RADX: variants seen among roughly 807,000 people sequenced by gnomAD.
RADX encodes the protein RPA-related protein RADX.
In RADX, 36 loss-of-function variants were observed where a neutral mutation model predicts 61.6. The ratio of observed to expected loss-of-function variants is 0.58; its 90% CI spans 0.45 to 0.77. The LOEUF (loss-of-function observed/expected upper bound fraction) is 0.77. Ranked by LOEUF, RADX falls within the 30% of genes least tolerant of loss-of-function variation. The pLI, the probability that RADX is intolerant of heterozygous loss-of-function variation, is 0.00. For missense variants in RADX, 497 were observed against 651.1 expected, an observed-to-expected ratio of 0.76 and a Z score of 2.58; for synonymous variants, 272 against 237.9, an observed-to-expected ratio of 1.14 and a Z score of -1.32.
intron 3 of RADX, among the ~76,000 whole-genome samples, chrX:106,626,566 C>T (rs1361638656): frequency 1.8e-5 from 2 of 111,731 alleles, no homozygotes; most frequent in African/African-American, 3.2e-5. Context: ...GCTACCTCTG[C>T]TATATAGAAT....
intron 1 of RADX, among the ~76,000 whole-genome samples, chrX:106,617,517 A>G (rs1926841733): frequency 8.9e-6 from 1 of 111,757 alleles, no homozygotes; most frequent in Non-Finnish European, 1.9e-5. Context: ...ATTTCTCCTT[A>G]TATTTCTAAA....
chrX:106,625,813 T>C (rs766895230), intron 3 of RADX, among the ~76,000 whole-genome samples: 1 of 111,095 alleles, frequency 9.0e-6, no homozygotes, highest in South Asian at 3.8e-4. Flanking sequence ...CATATGTATG[T>C]ATATATATTC....
Position 106,625,131 on chromosome X carries a change from G to C in RADX, c.828G>C (p.Val276=). Residue 276 remains valine, a synonymous_variant, in exon 3 of 14, where the codon GTG becomes GTC. Transcript: ENST00000372548. ...CTGACAGTTCAGGCACAGTGTCAGT[G>C]ATTATGTGGAATGCCCTGTGTCCTG... The part of the protein sequence containing the change: ...EVADSSGTVS[V]IMWNALCPEW... The C allele has an allele frequency of 8.3e-7, 1 of 1,199,393 alleles. No homozygotes were observed. Among genetic ancestry groups the C allele is most frequent in the Admixed American group, 2.3e-5 (1 of 44,001 alleles).
Position 106,678,182 on chromosome X carries a change from T to A in RADX, c.2492T>A (p.Leu831Ter). 1 of 1,153,946 alleles carries A rather than the reference T, an allele frequency of 8.7e-7. No individual in the cohort carries two copies. The highest frequency in any genetic ancestry group is 1.2e-6 in the Non-Finnish European group (1 of 843,052). Residue 831 changes from leucine (L) to a stop codon, truncating the protein, a stop_gained, in exon 14 of 14, where the codon TTG becomes TAG. Coordinates refer to ENST00000372548, the MANE Select transcript of RADX (RefSeq NM_018015.6). LOFTEE classifies it high-confidence loss of function. ...ELDRVHIVGI[L>*]DICNLGNNKV... ...GATAGAGTGCATATCGTCGGTATCT[T>A]GGATATCTGTAATTTGGGTAATAAT...
At chrX:106,652,242 G>A (rs1310027977) in intron 11 of RADX, among the ~76,000 whole-genome samples, 1 of 111,121 alleles carries the variant, frequency 9.0e-6, no homozygotes. Flanking sequence ...GAGCCCAGGA[G>A]TTTGAGACTG....
At chrX:106,643,468 A>C (rs1470056489) in intron 10 of RADX, among the ~76,000 whole-genome samples, 1 of 111,349 alleles carries the variant, frequency 9.0e-6, no homozygotes, top group African/African-American at 3.3e-5. Flanking sequence ...TCAATGTGTT[A>C]GATTTAGGTC....
chrX:106,636,418 T>C (rs1047843142), intron 6 of RADX, 125 bp from the exon 7 acceptor site: 3 of 445,979 alleles, frequency 6.7e-6, no homozygotes, highest in Non-Finnish European at 1.2e-5. Context: ...TGAATTTGCA[T>C]TTTAACATTG....
intron 10 of RADX, among the ~76,000 whole-genome samples, chrX:106,644,488 T>G (rs1927608599): frequency 9.0e-6 from 1 of 111,563 alleles, no homozygotes; most frequent in African/African-American, 3.2e-5. Context: ...GAAGGGATAT[T>G]GAATTTTATC....
At chrX:106,638,035 T>C (rs1927402989) in intron 8 of RADX, 111 bp downstream of exon 8, 5 of 587,335 alleles carry the variant, frequency 8.5e-6, no homozygotes, top group Non-Finnish European at 1.4e-5. Flanking sequence ...TGATCTAAAG[T>C]TTAGCAACAT....
At chrX:106,661,921 C>G in intron 11 of RADX, 94 bp from the exon 12 acceptor site, 3 of 739,515 alleles carry the variant, frequency 4.1e-6, no homozygotes, top group Non-Finnish European at 5.8e-6. Context: ...TACTTAAACT[C>G]TTCCTCATTA....
chrX:106,636,433 C>T (rs1927360483), intron 6 of RADX, 110 bp from the exon 7 acceptor site: 4 of 477,504 alleles, frequency 8.4e-6, no homozygotes, highest in South Asian at 3.7e-5. Context: ...ACATTGGTAC[C>T]ATGTGATTTC....
intron 12 of RADX, among the ~76,000 whole-genome samples, chrX:106,662,712 CAAA>C (rs764434761): frequency 1.8e-5 from 1 of 54,293 alleles, no homozygotes; most frequent in Non-Finnish European, 3.7e-5. Flanking sequence ...AAGCCCCTAC[CAAA>C]AAAAAAAAAA....
chrX:106,625,076 C>G lies in RADX; in HGVS notation c.787-14C>G, dbSNP rs762217023. On this transcript the variant is annotated splice_polypyrimidine_tract_variant and intron_variant, in intron 2 of 13. Coordinates refer to ENST00000372548, the MANE Select transcript of RADX (RefSeq NM_018015.6). ...TGACAAATATGTATGTGCTTTTACT[C>G]ATTTTCTTTCTAGACCTTTTTGGAA... 2.6e-6 allele frequency: 3 copies of G among 1,140,052 alleles called. No homozygotes were observed. In the Admixed American group the frequency reaches 7.7e-5, roughly 29 times the overall value. The allele number at this position is 1,140,052 out of a possible 1,213,427, so 94.0% of individuals were successfully genotyped here.
At chrX:106,642,922 T>C (rs1270932074) in intron 10 of RADX, among the ~76,000 whole-genome samples, 1 of 111,918 alleles carries the variant, frequency 8.9e-6, no homozygotes, top group Non-Finnish European at 1.9e-5. Flanking sequence ...TGTTATTGCC[T>C]GTATTTTGGA....
chrX:106,639,397 T>A, intron 8 of RADX, 130 bp from the exon 9 acceptor site: 1 of 512,001 alleles, frequency 2.0e-6, no homozygotes, highest in Non-Finnish European at 3.0e-6. Context: ...ATGCCAGATA[T>A]AAACACAGTG....
At chrX:106,618,577 GAGACCAGCCTAGGTCC>G (rs1926867158) in intron 1 of RADX, among the ~76,000 whole-genome samples, 1 of 111,034 alleles carries the variant, frequency 9.0e-6, no homozygotes, top group African/African-American at 3.3e-5. Flanking sequence ...AGTCCATGTT[GAGACCAGCCTAGGTCC>G]AGACCAGCCT....
intron 12 of RADX, among the ~76,000 whole-genome samples, chrX:106,664,931 T>TAG (rs1057164297): frequency 4.5e-5 from 5 of 111,627 alleles, no homozygotes; most frequent in Admixed American, 3.8e-4. Flanking sequence ...ACTTGAAGTA[T>TAG]ACATTGTCTA....
At chrX:106,638,093 C>T (rs919529016) in intron 8 of RADX, 169 bp downstream of exon 8, 9 of 414,397 alleles carry the variant, frequency 2.2e-5, no homozygotes, top group Non-Finnish European at 3.7e-5. Context: ...ATATATGTCA[C>T]GTATTTTCTA....
intron 13 of RADX, among the ~76,000 whole-genome samples, chrX:106,677,381 G>A (rs1928536604): frequency 9.0e-6 from 1 of 111,099 alleles, no homozygotes. Flanking sequence ...CTAAGTTTTT[G>A]TCTAGATTCT....
Sources: allele counts gnomAD v4.1 joint callset (sites outside exome capture counted in the v4.1 genomes callset), GRCh38; gene constraint gnomAD v4.1.1; transcripts MANE v1.5; gene names NCBI Gene and HGNC (gene_info 2026-07-23, HGNC 2026-07-21).